The following IMPG1 variants were observed in gnomAD, a reference collection of about 807,000 sequenced individuals.
The protein encoded by IMPG1 is interphotoreceptor matrix proteoglycan 1, also known as interphotoreceptor matrix proteoglycan of 150 kDa.
Under a neutral mutation model 92.0 loss-of-function variants are expected in IMPG1, and 85 were observed. That is an observed-to-expected ratio of 0.92 (90% CI 0.78 to 1.11). The LOEUF is 1.11. Ranked by LOEUF, IMPG1 falls within the 50% of genes least tolerant of loss-of-function variation. The pLI, the probability that IMPG1 is intolerant of heterozygous loss-of-function variation, is 0.00. For synonymous variants in IMPG1, 367 were observed against 334.1 expected, an observed-to-expected ratio of 1.10 and a Z score of -1.08; for missense variants, 1,022 against 956.0, an observed-to-expected ratio of 1.07 and a Z score of -0.91.
At chr6:76,003,832 G>A in intron 11 of IMPG1, 42 bp downstream of exon 11, 1 of 1,435,104 alleles carries the variant, frequency 7.0e-7, no homozygotes, top group Non-Finnish European at 9.8e-7. Flanking sequence ...AAGGTTTTGA[G>A]ACTTTGTTCC....
chr6:75,969,572 T>C (rs1200865529), intron 12 of IMPG1, among the ~76,000 whole-genome samples: 2 of 151,964 alleles, frequency 1.3e-5, no homozygotes, highest in African/African-American at 2.4e-5. Context: ...TGAAACCCCA[T>C]CTCTACTAAA....
intron 2 of IMPG1, 56 bp from the exon 3 acceptor site, chr6:76,034,843 C>T: frequency 6.9e-7 from 1 of 1,441,868 alleles, no homozygotes; most frequent in Non-Finnish European, 9.5e-7. Context: ...TACCCAATCC[C>T]AAGCAAAGTC....
chr6:75,972,042 TA>T (rs1371932937), intron 12 of IMPG1, among the ~76,000 whole-genome samples: 1 of 152,182 alleles, frequency 6.6e-6, no homozygotes, highest in African/African-American at 2.4e-5. Context: ...TTTTACCTTT[TA>T]ATAAAGTTTT....
intron 12 of IMPG1, among the ~76,000 whole-genome samples, chr6:75,976,671 G>T (rs900072309): frequency 9.2e-5 from 14 of 152,198 alleles, no homozygotes; most frequent in Non-Finnish European, 1.5e-4. Context: ...CAGCACTTTG[G>T]GAGGCTGAGG....
intron 12 of IMPG1, among the ~76,000 whole-genome samples, chr6:75,968,723 A>C (rs1359886423): frequency 6.6e-6 from 1 of 152,030 alleles, no homozygotes; most frequent in Non-Finnish European, 1.5e-5. Context: ...GTAAACTTTG[A>C]CACTCCCAAG....
chr6:75,937,165 G>A (rs1781760808), intron 14 of IMPG1, among the ~76,000 whole-genome samples: 7 of 152,142 alleles, frequency 4.6e-5, no homozygotes, highest in Admixed American at 4.6e-4. Flanking sequence ...CACCTGGAAG[G>A]AGAATTCCTA....
chr6:75,933,430 G>C (rs1453135004), intron 14 of IMPG1, among the ~76,000 whole-genome samples: 1 of 152,138 alleles, frequency 6.6e-6, no homozygotes, highest in Non-Finnish European at 1.5e-5. Context: ...ATATGGTTTG[G>C]GGCATTCACT....
At chr6:75,992,844 TA>T (rs1236354778) in intron 12 of IMPG1, among the ~76,000 whole-genome samples, 1 of 152,206 alleles carries the variant, frequency 6.6e-6, no homozygotes, top group African/African-American at 2.4e-5. Context: ...GAAAGTCCTT[TA>T]TACCCTTCTC....
At chr6:76,031,818 C>T (rs902025062) in intron 4 of IMPG1, among the ~76,000 whole-genome samples, 1 of 152,182 alleles carries the variant, frequency 6.6e-6, no homozygotes, top group Non-Finnish European at 1.5e-5. Flanking sequence ...GCATTAGTTA[C>T]AAGTCAACAG....
At chr6:75,990,301 C>G (rs765134176) in intron 12 of IMPG1, among the ~76,000 whole-genome samples, 1 of 152,156 alleles carries the variant, frequency 6.6e-6, no homozygotes, top group South Asian at 2.1e-4. Context: ...ATACAGAGAA[C>G]GGGCCAACTA....
intron 12 of IMPG1, among the ~76,000 whole-genome samples, chr6:75,973,139 G>A (rs1212685954): frequency 6.6e-6 from 1 of 151,690 alleles, no homozygotes; most frequent in Non-Finnish European, 1.5e-5. Flanking sequence ...TATCATGCCT[G>A]GCTAATTTTA....
intron 12 of IMPG1, among the ~76,000 whole-genome samples, chr6:75,980,302 A>G (rs1352358210): frequency 6.6e-6 from 1 of 152,246 alleles, no homozygotes; most frequent in Non-Finnish European, 1.5e-5. Flanking sequence ...GTTTAAAGGT[A>G]TATCAGGAAA....
rs369092877 is a variant in IMPG1 at position 76,068,669 on chromosome 6, AC to A, written c.67+3752del. Among the ~76,000 whole-genome samples the A allele has an allele frequency of 2.1e-3, 317 of 151,646 alleles. 1 individual carries two copies. The highest frequency in any genetic ancestry group is 7.2e-3 in the African/African-American group (299 of 41,364). On this transcript the variant is annotated intron_variant, in intron 1 of 16. Transcript: ENST00000369950. ...GTACCTGGGATTATAGGCACCCATC[AC>A]CATGCCTGGCTAATTTTTATATTTT...
chr6:76,004,399 C>T (rs1050179023), intron 10 of IMPG1, among the ~76,000 whole-genome samples: 1 of 152,196 alleles, frequency 6.6e-6, no homozygotes, highest in African/African-American at 2.4e-5. Flanking sequence ...CCCCGAGTAT[C>T]AGGTTGTCTC....
intron 12 of IMPG1, among the ~76,000 whole-genome samples, chr6:75,997,324 G>A (rs1307150254): frequency 1.3e-5 from 2 of 152,252 alleles, no homozygotes; most frequent in African/African-American, 4.8e-5. Flanking sequence ...AACTCAGTTC[G>A]GCTGAGTTGT....
At chr6:76,011,108 C>A in intron 8 of IMPG1, 58 bp downstream of exon 8, 1 of 959,146 alleles carries the variant, frequency 1.0e-6, no homozygotes, top group Admixed American at 2.0e-5. Flanking sequence ...ATTGTTTTTA[C>A]AAAAGGATAG....
intron 12 of IMPG1, among the ~76,000 whole-genome samples, chr6:75,982,067 A>G (rs1244054086): frequency 2.6e-5 from 4 of 152,178 alleles, no homozygotes; most frequent in African/African-American, 4.8e-5. Flanking sequence ...TTCAGGATTA[A>G]GGAAAACAAA....
chr6:75,978,359 T>C (rs573108934), intron 12 of IMPG1, among the ~76,000 whole-genome samples: 1 of 152,306 alleles, frequency 6.6e-6, no homozygotes, highest in African/African-American at 2.4e-5. Flanking sequence ...TTGCTTTTAA[T>C]AAGTTCCAGC....
chr6:76,008,567 T>C (rs1011780538), intron 8 of IMPG1, among the ~76,000 whole-genome samples: 1 of 152,186 alleles, frequency 6.6e-6, no homozygotes, highest in African/African-American at 2.4e-5. Flanking sequence ...AGTGCTGCTG[T>C]ATGGGTGAGA....
Sources: gnomAD v4.1 joint callset for allele counts (sites outside exome capture counted in the v4.1 genomes callset) on GRCh38, gnomAD v4.1.1 for gene constraint, MANE v1.5 for transcripts, NCBI Gene and HGNC (gene_info 2026-07-23, HGNC 2026-07-21) for gene names.